The following SLFN12L variants were observed in gnomAD, a reference collection of about 807,000 sequenced individuals.
SLFN12L encodes schlafen family member 12 like.
SLFN12L carries 34 observed loss-of-function variants against 34.8 expected under a neutral mutation model. That is an observed-to-expected ratio of 0.98 (90% CI 0.74 to 1.30). The LOEUF (loss-of-function observed/expected upper bound fraction) is 1.30. Ranked by LOEUF, SLFN12L falls within the 50% of genes most tolerant of loss-of-function variation. The probability of loss-of-function intolerance (pLI) is 0.00; values close to 1 mark genes in which losing one functional copy is unlikely to be tolerated. For missense variants in SLFN12L, 703 were observed against 696.2 expected (o/e 1.01, Z -0.11); for synonymous variants, 259 against 247.5 (o/e 1.05, Z -0.44).
intron 2 of SLFN12L, among the ~76,000 whole-genome samples, chr17:35,497,251 C>T (rs1597854844): frequency 1.3e-5 from 2 of 152,024 alleles, no homozygotes; most frequent in East Asian, 1.9e-4. Context: ...ATTAGCTGGG[C>T]GTGGTGGCAC....
chr17:35,525,272 T>C (rs1267124600), intron 1 of SLFN12L, among the ~76,000 whole-genome samples: 47 of 152,160 alleles, frequency 3.1e-4, no homozygotes, highest in Non-Finnish European at 5.9e-5. Flanking sequence ...GGAACCAATT[T>C]GGAAAACACT....
rs899562190 is a variant in SLFN12L at position 35,465,857 on chromosome 17, G to A, written c.*9066C>T. ...TAATATGTTCAATATGTTCAATTCCGTGCCTATTTCAACAGACTCCACTGT... is the reference window on the plus strand; with the variant it reads ...TAATATGTTCAATATGTTCAATTCCATGCCTATTTCAACAGACTCCACTGT... On this transcript the variant is annotated 3_prime_UTR_variant, in exon 5 of 5. Coordinates refer to ENST00000628453, the MANE Select transcript of SLFN12L (RefSeq NM_001363830.2). 7.3e-5 allele frequency among the ~76,000 whole-genome samples: 11 copies of A among 151,188 alleles called. No homozygotes were observed. Among genetic ancestry groups the A allele is most frequent in the Admixed American group, 2.6e-4 (4 of 15,156 alleles).
chr17:35,502,496 A>G (rs1380656305), intron 2 of SLFN12L, among the ~76,000 whole-genome samples: 1 of 151,324 alleles, frequency 6.6e-6, no homozygotes, highest in Non-Finnish European at 1.5e-5. Flanking sequence ...AGGTTTCCCA[A>G]CAGGGGATCT....
At chr17:35,517,772 A>G (rs1368731459) in intron 2 of SLFN12L, among the ~76,000 whole-genome samples, 2 of 152,218 alleles carry the variant, frequency 1.3e-5, no homozygotes, top group Non-Finnish European at 2.9e-5. Flanking sequence ...GATCTTCGAC[A>G]AAACTGACAA....
chr17:35,506,508 T>C (rs1915469415), intron 2 of SLFN12L, among the ~76,000 whole-genome samples: 1 of 152,146 alleles, frequency 6.6e-6, no homozygotes, highest in Admixed American at 6.6e-5. Context: ...ATGGGGAGCA[T>C]GTAACCCTAG....
At chr17:35,486,914 C>T (rs75187283) in intron 2 of SLFN12L, among the ~76,000 whole-genome samples, 1 of 152,328 alleles carries the variant, frequency 6.6e-6, no homozygotes, top group Non-Finnish European at 1.5e-5. Flanking sequence ...GAGCAAAAAG[C>T]ATAGAGCGTG....
intron 2 of SLFN12L, among the ~76,000 whole-genome samples, chr17:35,512,843 T>C (rs1915697680): frequency 6.6e-6 from 1 of 152,126 alleles, no homozygotes; most frequent in East Asian, 1.9e-4. Flanking sequence ...TGATACCAAG[T>C]TTATATTGCA....
intron 2 of SLFN12L, among the ~76,000 whole-genome samples, chr17:35,513,678 A>G (rs1252515316): frequency 6.6e-6 from 1 of 152,248 alleles, no homozygotes; most frequent in Non-Finnish European, 1.5e-5. Flanking sequence ...GTCTTCAGTC[A>G]CAAGGTCACA....
Position 35,522,378 on chromosome 17 carries a change from A to C in SLFN12L, c.-14T>G. The C allele has an allele frequency of 6.2e-7, 1 of 1,614,200 alleles. No homozygotes were observed. The highest frequency in any genetic ancestry group is 1.3e-5 in the African/African-American group (1 of 75,050). On this transcript the variant is annotated 5_prime_UTR_variant, in exon 2 of 5. It removes an upstream start codon present in the reference 5' UTR. Transcript: ENST00000628453. Reference sequence around the variant, plus strand: ...GATCTTCTCCATGATCTTCATGGCCATGATGGTCTTTCCTAAGCCAGGTAA... The same window carrying C: ...GATCTTCTCCATGATCTTCATGGCCCTGATGGTCTTTCCTAAGCCAGGTAA...
intron 2 of SLFN12L, among the ~76,000 whole-genome samples, chr17:35,507,865 G>A (rs1173740995): frequency 6.6e-6 from 1 of 152,216 alleles, no homozygotes; most frequent in East Asian, 1.9e-4. Context: ...GAGAATGAAA[G>A]TGAGAACTCC....
chr17:35,480,154 AT>A lies in SLFN12L; in HGVS notation c.127del (p.Met43Ter). ...LRGNGLAAGK[M>X]NISIDLDTNY... is the part of the protein sequence containing the mutation. The stretch of plus-strand genomic sequence containing the variant: ...TGTGTCTAAATCAATACTGATGTTC[AT>A]TTTCCCAGCAGCTAAGCCATTTCCA... On this transcript the variant is annotated frameshift_variant, in exon 3 of 5. Coordinates refer to ENST00000628453, the MANE Select transcript of SLFN12L (RefSeq NM_001363830.2). LOFTEE classifies it high-confidence loss of function. 1 of 1,604,468 alleles carries A rather than the reference AT, an allele frequency of 6.2e-7. No homozygotes were observed. Among genetic ancestry groups the A allele is most frequent in the East Asian group, 2.2e-5 (1 of 44,726 alleles).
At chr17:35,532,899 C>A (rs953071745) in intron 1 of SLFN12L, among the ~76,000 whole-genome samples, 1 of 151,948 alleles carries the variant, frequency 6.6e-6, no homozygotes, top group African/African-American at 2.4e-5. Context: ...CAAAAACAAA[C>A]CAAAAGACAA....
chr17:35,486,465 G>C (rs1223512011), intron 2 of SLFN12L, among the ~76,000 whole-genome samples: 1 of 152,150 alleles, frequency 6.6e-6, no homozygotes, highest in Non-Finnish European at 1.5e-5. Flanking sequence ...CCACCTTATA[G>C]AGGACCGAGC....
At position 35,469,318 on chromosome 17, in the gene SLFN12L, ATATATAT is replaced by A; in HGVS notation, c.*5598_*5604del. ...TATATATATAAAATATATATATATT[ATATATAT>A]AAATATATATATAATATATATATAT... On this transcript the variant is annotated 3_prime_UTR_variant, in exon 5 of 5. Coordinates refer to ENST00000628453, the MANE Select transcript of SLFN12L (RefSeq NM_001363830.2). Among the ~76,000 whole-genome samples the A allele has an allele frequency of 1.6e-5, 2 of 128,786 alleles. No individual in the cohort carries two copies. The highest frequency in any genetic ancestry group is 5.9e-5 in the African/African-American group (2 of 33,814). The allele number at this position is 128,786 out of a possible 152,430, so 84.5% of individuals were successfully genotyped here. A position where few individuals can be genotyped will look rare whatever the true frequency, so the allele number is the denominator to read the frequency against.
At chr17:35,486,060 G>A (rs1036300986) in intron 2 of SLFN12L, among the ~76,000 whole-genome samples, 2 of 152,142 alleles carry the variant, frequency 1.3e-5, no homozygotes, top group African/African-American at 4.8e-5. Context: ...TAATTTCATA[G>A]GAATAGCATT....
At chr17:35,503,641 G>A (rs1163482084) in intron 2 of SLFN12L, among the ~76,000 whole-genome samples, 4 of 152,072 alleles carry the variant, frequency 2.6e-5, no homozygotes, top group East Asian at 1.9e-4. Context: ...GTCCACTGCC[G>A]ATGTCCCCAC....
At chr17:35,487,683 T>G (rs775174032) in intron 2 of SLFN12L, 13 of 1,526,966 alleles carry the variant, frequency 8.5e-6, no homozygotes, top group Non-Finnish European at 1.1e-5. Context: ...ATTTGTATTT[T>G]CTAAGGCGAA....
intron 2 of SLFN12L, among the ~76,000 whole-genome samples, chr17:35,503,762 A>G (rs892643271): frequency 1.3e-5 from 2 of 151,976 alleles, no homozygotes; most frequent in African/African-American, 4.8e-5. Flanking sequence ...CACCCCTAGA[A>G]TTTCTGGTAA....
chr17:35,532,418 C>T (rs1396600927), intron 1 of SLFN12L, among the ~76,000 whole-genome samples: 1 of 126,620 alleles, frequency 7.9e-6, no homozygotes, highest in Non-Finnish European at 1.6e-5. Flanking sequence ...CCAGCCTGTG[C>T]AAAAGGGAGT....
Sources: allele counts gnomAD v4.1 joint callset (sites outside exome capture counted in the v4.1 genomes callset), GRCh38; gene constraint gnomAD v4.1.1; transcripts MANE v1.5; gene names NCBI Gene and HGNC (gene_info 2026-07-23, HGNC 2026-07-21).